The following SGCZ variants were observed in gnomAD, a reference collection of about 807,000 sequenced individuals.
SGCZ encodes sarcoglycan zeta, also known as zeta-sarcoglycan.
A neutral mutation model predicts 41.3 loss-of-function variants in SGCZ; 40 were observed. That is an observed-to-expected ratio of 0.97 (90% CI 0.75 to 1.26). SGCZ has a LOEUF of 1.26. Among genes scored for constraint, SGCZ ranks in the 50% most tolerant of loss-of-function variants. SGCZ has a pLI of 0.00. For synonymous variants in SGCZ, 206 were observed against 137.5 expected (o/e 1.50, Z -3.49); for missense variants, 552 against 369.8 (o/e 1.49, Z -4.04).
At chr8:15,206,521 C>T (rs185785817) in intron 1 of SGCZ, among the ~76,000 whole-genome samples, 71 of 149,618 alleles carry the variant, frequency 4.7e-4, no homozygotes, top group African/African-American at 1.5e-3. Flanking sequence ...ACCATCTTGG[C>T]TCACTGCAAC....
chr8:15,047,879 G>T (rs941802394), intron 1 of SGCZ, among the ~76,000 whole-genome samples: 5 of 152,002 alleles, frequency 3.3e-5, no homozygotes, highest in Non-Finnish European at 7.4e-5. Flanking sequence ...CTAGTACACT[G>T]TTGGTGAAAA....
chr8:15,050,214 C>T (rs562376780), intron 1 of SGCZ, among the ~76,000 whole-genome samples: 1 of 152,212 alleles, frequency 6.6e-6, no homozygotes, highest in African/African-American at 2.4e-5. Flanking sequence ...ATTGATGGTA[C>T]CATATGTAGG....
At chr8:15,140,903 G>T (rs1386328077) in intron 1 of SGCZ, among the ~76,000 whole-genome samples, 1 of 152,166 alleles carries the variant, frequency 6.6e-6, no homozygotes. Flanking sequence ...GCAGTGACAA[G>T]TTGTGTATAC....
chr8:14,888,801 G>T (rs1381506872), intron 1 of SGCZ, among the ~76,000 whole-genome samples: 1 of 152,034 alleles, frequency 6.6e-6, no homozygotes, highest in Non-Finnish European at 1.5e-5. Context: ...TCAAAAATAT[G>T]TAAGTTTTAT....
At chr8:15,177,989 C>A (rs1367687974) in intron 1 of SGCZ, among the ~76,000 whole-genome samples, 1 of 152,248 alleles carries the variant, frequency 6.6e-6, no homozygotes, top group African/African-American at 2.4e-5. Context: ...ATTTACCACT[C>A]ACCACTTCCT....
At chr8:14,493,733 A>G (rs1163014922) in intron 2 of SGCZ, among the ~76,000 whole-genome samples, 1 of 151,978 alleles carries the variant, frequency 6.6e-6, no homozygotes, top group Non-Finnish European at 1.5e-5. Flanking sequence ...CTTTCCCACC[A>G]AGGGAAGCCT....
intron 1 of SGCZ, among the ~76,000 whole-genome samples, chr8:14,670,579 C>G (rs1401462919): frequency 6.6e-6 from 1 of 152,138 alleles, no homozygotes; most frequent in African/African-American, 2.4e-5. Flanking sequence ...ATGAGCAGAT[C>G]TAATCTACAA....
rs537943788 is a variant in SGCZ, at chr8:14,828,354, G to A, written c.40-273428C>T. On this transcript the variant is annotated intron_variant, in intron 1 of 7. Coordinates refer to ENST00000382080, the MANE Select transcript of SGCZ (RefSeq NM_139167.4). ...AATTGAAGAGAAGCAATGATTAAAA[G>A]CAAAAACAAAAGCTACAACACTGAC... Among the ~76,000 whole-genome samples, 26 of 152,250 alleles carry A rather than the reference G, an allele frequency of 1.7e-4. No individual in the cohort carries two copies. The South Asian group carries it at 5.4e-3, about 32-fold the overall frequency.
intron 1 of SGCZ, among the ~76,000 whole-genome samples, chr8:14,828,496 C>T (rs763882462): frequency 4.6e-5 from 7 of 152,132 alleles, no homozygotes; most frequent in South Asian, 2.1e-4. Context: ...GCTGAGTTTT[C>T]GATGGAAATT....
intron 1 of SGCZ, among the ~76,000 whole-genome samples, chr8:15,112,991 T>C (rs1807127837): frequency 6.6e-6 from 1 of 152,002 alleles, no homozygotes. Flanking sequence ...GGTGGATCGC[T>C]TGGGCCCAGG....
chr8:15,205,038 A>T (rs1305394452), intron 1 of SGCZ, among the ~76,000 whole-genome samples: 1 of 152,236 alleles, frequency 6.6e-6, no homozygotes, highest in Non-Finnish European at 1.5e-5. Flanking sequence ...TGAAAATTCA[A>T]TTCTAAAAAA....
intron 1 of SGCZ, among the ~76,000 whole-genome samples, chr8:15,036,635 C>T (rs538475592): frequency 3.0e-4 from 46 of 152,260 alleles, no homozygotes; most frequent in Non-Finnish European, 4.6e-4. Flanking sequence ...CTAATGGCCT[C>T]ATTGCTGAAT....
At chr8:14,415,647 TA>T (rs1799473124) in intron 2 of SGCZ, among the ~76,000 whole-genome samples, 1 of 151,964 alleles carries the variant, frequency 6.6e-6, no homozygotes, top group Non-Finnish European at 1.5e-5. Flanking sequence ...CACTTTTAAA[TA>T]ACTCCTTAAG....
At chr8:14,118,950 T>G (rs1483130322) in intron 5 of SGCZ, among the ~76,000 whole-genome samples, 8 of 152,180 alleles carry the variant, frequency 5.3e-5, no homozygotes, top group Non-Finnish European at 1.0e-4. Context: ...TACCATGCTG[T>G]TTTGATTACT....
In SGCZ at chr8:14,299,536, G is replaced by A. The variant is rs1365115319; in HGVS notation, c.336+24567C>T. On this transcript the variant is annotated intron_variant, in intron 3 of 7. Transcript: ENST00000382080. Reference sequence around the variant, plus strand: ...AATTCACAGGAAAAGATATGTAAATGGCCAGTAAGCACATAAAAGAGTGCT... The same window carrying A: ...AATTCACAGGAAAAGATATGTAAATAGCCAGTAAGCACATAAAAGAGTGCT... Among the ~76,000 whole-genome samples, 3 of 151,890 alleles carry A rather than the reference G, an allele frequency of 2.0e-5. No individual in the cohort carries two copies. In the East Asian group the frequency reaches 5.8e-4, roughly 29 times the overall value.
chr8:14,731,134 C>A (rs1208559882), intron 1 of SGCZ, among the ~76,000 whole-genome samples: 1 of 151,662 alleles, frequency 6.6e-6, no homozygotes, highest in African/African-American at 2.4e-5. Flanking sequence ...TGGAACTAAC[C>A]CAAATGCCCA....
chr8:14,827,838 A>T (rs1054722482), intron 1 of SGCZ, among the ~76,000 whole-genome samples: 5 of 152,180 alleles, frequency 3.3e-5, no homozygotes, highest in African/African-American at 9.6e-5. Context: ...ATAAACACAC[A>T]TTAATAAACA....
rs540196607 is a variant in SGCZ at position 14,151,325 on chromosome 8, T to TA, written c.547+13254dup. Among the ~76,000 whole-genome samples the TA allele has an allele frequency of 4.2e-3, 640 of 152,092 alleles. 2 individuals carry two copies. The highest frequency in any genetic ancestry group is 7.0e-3 in the Non-Finnish European group (473 of 67,944). ...ACTATATGCCAAAGAAATTAAAAATTAAAAAATTAAACCATACTATTTATA... is the reference window on the plus strand; with the variant it reads ...ACTATATGCCAAAGAAATTAAAAATTAAAAAAATTAAACCATACTATTTATA... On this transcript the variant is annotated intron_variant, in intron 5 of 7. Coordinates refer to ENST00000382080, the MANE Select transcript of SGCZ (RefSeq NM_139167.4).
chr8:14,386,780 C>A (rs192929630), intron 2 of SGCZ, among the ~76,000 whole-genome samples: 296 of 152,216 alleles, frequency 1.9e-3, no homozygotes, highest in African/African-American at 6.5e-3. Flanking sequence ...AAATCAATGC[C>A]TATACATGCA....
Sources: gnomAD v4.1 joint callset for allele counts (sites outside exome capture counted in the v4.1 genomes callset) on GRCh38, gnomAD v4.1.1 for gene constraint, MANE v1.5 for transcripts, NCBI Gene and HGNC (gene_info 2026-07-23, HGNC 2026-07-21) for gene names.